TANK: variants seen among roughly 807,000 people sequenced by gnomAD.
The protein encoded by TANK is TRAF family member-associated NF-kappa-B activator.
Under a neutral mutation model 43.6 loss-of-function variants are expected in TANK, and 15 were observed. The observed-to-expected ratio is 0.34, with a 90% CI of 0.23 to 0.53. TANK has a LOEUF of 0.53. TANK is among the 20% of genes least tolerant of loss of function. TANK has a pLI of 0.94. For missense variants in TANK, 417 were observed against 498.6 expected (o/e 0.84, Z 1.56); for synonymous variants, 162 against 178.2 (o/e 0.91, Z 0.73).
At chr2:161,205,719 A>G (rs1686622278) in intron 4 of TANK, among the ~76,000 whole-genome samples, 2 of 152,196 alleles carry the variant, frequency 1.3e-5, no homozygotes, top group African/African-American at 2.4e-5. Flanking sequence ...TTCAATAGCA[A>G]TGTTGAGTAA....
At chr2:161,173,270 C>T (rs1471161296) in intron 1 of TANK, among the ~76,000 whole-genome samples, 2 of 152,152 alleles carry the variant, frequency 1.3e-5, no homozygotes, top group Non-Finnish European at 2.9e-5. Flanking sequence ...CATCTCTGCA[C>T]ACATGCTAGA....
chr2:161,174,836 G>A (rs1685108298), intron 1 of TANK, among the ~76,000 whole-genome samples: 1 of 152,076 alleles, frequency 6.6e-6, no homozygotes, highest in African/African-American at 2.4e-5. Context: ...ATCAAACTGA[G>A]CAGTGCATAA....
chr2:161,214,183 G>C (rs1360483293), intron 4 of TANK, among the ~76,000 whole-genome samples: 1 of 152,080 alleles, frequency 6.6e-6, no homozygotes, highest in East Asian at 1.9e-4. Flanking sequence ...AACAAATCTT[G>C]TCTGTTGCTT....
In TANK at chr2:161,146,490, T is replaced by C. The variant is rs1305607062; in HGVS notation, c.-50+9427T>C. Among the ~76,000 whole-genome samples, 4 of 152,180 alleles carry C rather than the reference T, an allele frequency of 2.6e-5. No homozygotes were observed. The East Asian group carries it at 7.7e-4, about 29-fold the overall frequency. On this transcript the variant is annotated intron_variant, in intron 1 of 7. Coordinates refer to the TANK transcript ENST00000259075. ...ATCTTTGAGGTTGCTGACCCTTGGA[T>C]GGGGTTTTTGTGGGGAATTTTTTTG...
At chr2:161,222,350 A>AAT (rs1687388521) in intron 4 of TANK, among the ~76,000 whole-genome samples, 1 of 152,016 alleles carries the variant, frequency 6.6e-6, no homozygotes, top group Non-Finnish European at 1.5e-5. Flanking sequence ...CATTCCATTT[A>AAT]ATATATAATC....
intron 2 of TANK, among the ~76,000 whole-genome samples, chr2:161,182,490 A>G (rs1264399845): frequency 6.6e-6 from 1 of 152,110 alleles, no homozygotes; most frequent in Non-Finnish European, 1.5e-5. Flanking sequence ...GTTTATTTTG[A>G]AGGATATTTT....
rs554295371 is a variant in TANK, at chr2:161,223,809, A to C, written c.328-106A>C. ...TATAAGCTGTCTCAAGTTATTTTTC[A>C]GTAGGGAAGGTAAATAAAATTTCCT... On this transcript the variant is annotated intron_variant, in intron 4 of 7. Coordinates refer to ENST00000392749, the MANE Select transcript of TANK (RefSeq NM_001199135.3). 7.5e-5 allele frequency: 50 copies of C among 666,096 alleles called. No individual in the cohort carries two copies. In the South Asian group the frequency reaches 1.1e-3, roughly 15 times the overall value. 41.3% of individuals were successfully genotyped at this position (666,096 alleles called of 1,614,324 possible). A position where few individuals can be genotyped will look rare whatever the true frequency, so the allele number is the denominator to read the frequency against.
intron 1 of TANK, among the ~76,000 whole-genome samples, chr2:161,175,640 A>G (rs535019356): frequency 6.6e-6 from 1 of 152,030 alleles, no homozygotes; most frequent in Non-Finnish European, 1.5e-5. Context: ...TGCTCATGCT[A>G]CCTCTCTTAC....
intron 1 of TANK, among the ~76,000 whole-genome samples, chr2:161,151,544 T>A (rs1233386565): frequency 6.6e-6 from 1 of 152,178 alleles, no homozygotes; most frequent in Non-Finnish European, 1.5e-5. Context: ...CTGTAACAGT[T>A]TTTTACTAAA....
intron 4 of TANK, among the ~76,000 whole-genome samples, chr2:161,222,580 A>G (rs1687403613): frequency 6.6e-6 from 1 of 152,132 alleles, no homozygotes; most frequent in African/African-American, 2.4e-5. Flanking sequence ...ACAAAACACC[A>G]TAGAAAAACC....
intron 1 of TANK, chr2:161,161,319 T>C (rs2105248761): frequency 6.4e-7 from 1 of 1,550,462 alleles, no homozygotes; most frequent in Non-Finnish European, 8.7e-7. Context: ...AAGGGAGAGA[T>C]GGTAGTAAAG....
chr2:161,142,720 T>G (rs541782989), intron 1 of TANK, among the ~76,000 whole-genome samples: 1 of 152,342 alleles, frequency 6.6e-6, no homozygotes, highest in East Asian at 1.9e-4. Flanking sequence ...TTTTGGTTAC[T>G]GTAGCCTTAT....
At chr2:161,161,581 C>A in intron 1 of TANK, 1 of 1,196,862 alleles carries the variant, frequency 8.4e-7, no homozygotes. Flanking sequence ...ATGTGCATAA[C>A]CATGTTATTT....
chr2:161,223,098 G>A (rs1031082606), intron 4 of TANK: 2 of 151,918 alleles, frequency 1.3e-5, no homozygotes, highest in African/African-American at 4.8e-5. Flanking sequence ...GATATCCACT[G>A]GTTTGGATTT....
At chr2:161,185,390 G>A (rs143906194) in intron 2 of TANK, among the ~76,000 whole-genome samples, 20 of 152,076 alleles carry the variant, frequency 1.3e-4, no homozygotes, top group African/African-American at 4.3e-4. Context: ...GAGAATTAGG[G>A]AATGAAGAAG....
rs1046089319 is a variant in TANK at position 161,235,384 on chromosome 2, G to T, written c.1144G>T (p.Val382Leu). The T allele has an allele frequency of 6.2e-7, 1 of 1,612,420 alleles. No homozygotes were observed. Among genetic ancestry groups the T allele is most frequent in the South Asian group, 1.1e-5 (1 of 90,892 alleles). Residue 382 changes from valine (V) to leucine (L), a missense_variant, in exon 8 of 8, where the codon GTA becomes TTA. Physicochemically the swap from Val to Leu is conservative, Grantham distance 32 (BLOSUM62 1). Transcript: ENST00000392749. ...TCCTAATCAAGACAGTGACTCGGTG[G>T]TACTAAGTGGCACAGACTCAGAACT... ...PFPNQDSDSV[V>L]LSGTDSELHI...
intron 7 of TANK, among the ~76,000 whole-genome samples, chr2:161,234,351 G>A (rs1213932822): frequency 6.6e-6 from 1 of 152,146 alleles, no homozygotes; most frequent in Non-Finnish European, 1.5e-5. Flanking sequence ...TTTATGAGAT[G>A]ATTCTTCTTA....
intron 3 of TANK, 22 bp downstream of exon 3, chr2:161,203,617 A>T (rs1397446977): frequency 6.7e-7 from 1 of 1,498,218 alleles, no homozygotes; most frequent in African/African-American, 1.4e-5. Context: ...TTAATTTTTT[A>T]TGTATTTCTA....
intron 4 of TANK, among the ~76,000 whole-genome samples, chr2:161,220,965 A>G (rs759869311): frequency 1.3e-5 from 2 of 152,186 alleles, no homozygotes; most frequent in Admixed American, 6.5e-5. Flanking sequence ...TCCCTTGAAC[A>G]TATATTTTTG....
Sources: gnomAD v4.1 joint callset for allele counts (sites outside exome capture counted in the v4.1 genomes callset) on GRCh38, gnomAD v4.1.1 for gene constraint, MANE v1.5 for transcripts, NCBI Gene and HGNC (gene_info 2026-07-23, HGNC 2026-07-21) for gene names.